Variants in PRKD1 observed in about 807,000 individuals in gnomAD.
PRKD1 encodes serine/threonine-protein kinase D1.
In PRKD1, 63 loss-of-function variants were observed where a neutral mutation model predicts 95.9. The observed-to-expected ratio is 0.66, with a 90% CI of 0.54 to 0.81. The LOEUF (loss-of-function observed/expected upper bound fraction) is 0.81. Ranked by LOEUF, PRKD1 falls within the 30% of genes least tolerant of loss-of-function variation. PRKD1 has a pLI of 0.00. For synonymous variants in PRKD1, 425 were observed against 423.1 expected, an observed-to-expected ratio of 1.00 and a Z score of -0.05; for missense variants, 1,048 against 1,165.3, an observed-to-expected ratio of 0.90 and a Z score of 1.47.
chr14:29,638,374 G>T, intron 6 of PRKD1, 115 bp downstream of exon 6: 2 of 1,034,204 alleles, frequency 1.9e-6, no homozygotes, highest in Non-Finnish European at 2.9e-6. Flanking sequence ...ATTTACTTTA[G>T]ACTGTGTCTG....
In PRKD1 at chr14:29,577,343, C is replaced by T. The variant is rs1483307400; in HGVS notation, c.2634G>A (p.Leu878=). Residue 878 remains leucine (L), a synonymous_variant, in exon 18 of 18, where the codon CTG becomes CTA. Transcript: ENST00000331968. The part of the protein sequence containing the change: ...RWEKYAGEQG[L]QYPTHLINPS... Reference sequence around the variant, plus strand: ...GATTGATCAGGTGTGTGGGGTACTGCAGCCCCTGCTCGCCTGCATACTTCT... The same window carrying T: ...GATTGATCAGGTGTGTGGGGTACTGTAGCCCCTGCTCGCCTGCATACTTCT... 2 of 1,613,812 alleles carry T rather than the reference C, an allele frequency of 1.2e-6. No homozygotes were observed. The highest frequency in any genetic ancestry group is 2.2e-5 in the South Asian group (2 of 91,082).
chr14:29,915,246 G>A (rs1341026028), intron 1 of PRKD1, among the ~76,000 whole-genome samples: 1 of 152,144 alleles, frequency 6.6e-6, no homozygotes, highest in Non-Finnish European at 1.5e-5. Context: ...GTTACACAAG[G>A]TAATTAACTT....
At chr14:29,680,403 T>C (rs1434632524) in intron 2 of PRKD1, among the ~76,000 whole-genome samples, 1 of 152,064 alleles carries the variant, frequency 6.6e-6, no homozygotes, top group Non-Finnish European at 1.5e-5. Context: ...AGACACACTT[T>C]AGAGACTAGT....
At chr14:29,655,859 G>GGTAA (rs1475645599) in intron 4 of PRKD1, among the ~76,000 whole-genome samples, 4 of 151,230 alleles carry the variant, frequency 2.6e-5, no homozygotes, top group Non-Finnish European at 4.4e-5. Flanking sequence ...TTATTGAAAA[G>GGTAA]GTAAGTTCAT....
At chr14:29,742,480 T>C (rs1887022717) in intron 1 of PRKD1, among the ~76,000 whole-genome samples, 2 of 152,332 alleles carry the variant, frequency 1.3e-5, no homozygotes, top group South Asian at 2.1e-4. Flanking sequence ...GAGAAATGTA[T>C]CATACTTCCA....
chr14:29,899,371 G>C (rs553285210), intron 1 of PRKD1, among the ~76,000 whole-genome samples: 35 of 152,212 alleles, frequency 2.3e-4, no homozygotes, highest in Non-Finnish European at 4.7e-4. Flanking sequence ...ATTTGGCCAG[G>C]CACGGTGGCT....
chr14:29,872,532 G>C (rs946831206), intron 1 of PRKD1, among the ~76,000 whole-genome samples: 1 of 151,844 alleles, frequency 6.6e-6, no homozygotes, highest in Non-Finnish European at 1.5e-5. Context: ...TGCACCTGTA[G>C]TCCCAGCTAC....
intron 1 of PRKD1, among the ~76,000 whole-genome samples, chr14:29,811,494 C>T (rs1208651623): frequency 6.6e-6 from 1 of 152,200 alleles, no homozygotes. Flanking sequence ...CATTAAGCAT[C>T]TAGTTCAGGA....
At chr14:29,925,200 G>A (rs1346092945) in intron 1 of PRKD1, among the ~76,000 whole-genome samples, 1 of 151,992 alleles carries the variant, frequency 6.6e-6, no homozygotes, top group African/African-American at 2.4e-5. Flanking sequence ...AATCAGGGCT[G>A]ATGATTTTCC....
At chr14:29,919,271 A>G (rs532637902) in intron 1 of PRKD1, among the ~76,000 whole-genome samples, 1 of 152,346 alleles carries the variant, frequency 6.6e-6, no homozygotes, top group African/African-American at 2.4e-5. Flanking sequence ...AACCTTTCAT[A>G]ACTTTGGAAG....
chr14:29,862,271 C>T (rs543347571), intron 1 of PRKD1, among the ~76,000 whole-genome samples: 10 of 152,222 alleles, frequency 6.6e-5, no homozygotes, highest in African/African-American at 1.7e-4. Context: ...CATCTGTTGA[C>T]GGACACTTAG....
At chr14:29,871,514 C>A (rs755475567) in intron 1 of PRKD1, among the ~76,000 whole-genome samples, 2 of 152,072 alleles carry the variant, frequency 1.3e-5, no homozygotes, top group Non-Finnish European at 2.9e-5. Flanking sequence ...TAATATGTGA[C>A]CTCGAACAAG....
chr14:29,760,117 T>C (rs1430259702), intron 1 of PRKD1, among the ~76,000 whole-genome samples: 1 of 152,158 alleles, frequency 6.6e-6, no homozygotes, highest in Non-Finnish European at 1.5e-5. Context: ...TTTCAATAGC[T>C]CTTTTATTTT....
intron 4 of PRKD1, among the ~76,000 whole-genome samples, chr14:29,652,052 T>C (rs1348523152): frequency 6.6e-6 from 1 of 152,238 alleles, no homozygotes; most frequent in Non-Finnish European, 1.5e-5. Flanking sequence ...GGCCCTTTTT[T>C]TCATATTTCT....
intron 1 of PRKD1, among the ~76,000 whole-genome samples, chr14:29,726,227 T>A (rs1368503740): frequency 6.6e-6 from 1 of 152,156 alleles, no homozygotes; most frequent in Non-Finnish European, 1.5e-5. Context: ...AATCCACCTC[T>A]CCCTTCTGCT....
At chr14:29,583,376 TA>T (rs1456767635) in intron 16 of PRKD1, among the ~76,000 whole-genome samples, 3 of 152,070 alleles carry the variant, frequency 2.0e-5, no homozygotes, top group African/African-American at 7.2e-5. Flanking sequence ...CTTCGCCTGC[TA>T]TTTTCTCAGT....
chr14:29,740,253 G>A (rs1202172710), intron 1 of PRKD1, among the ~76,000 whole-genome samples: 3 of 151,998 alleles, frequency 2.0e-5, no homozygotes, highest in African/African-American at 7.2e-5. Context: ...GCACAATGAA[G>A]ATTTTTATAT....
At chr14:29,873,928 A>T (rs1594593741) in intron 1 of PRKD1, among the ~76,000 whole-genome samples, 1 of 152,172 alleles carries the variant, frequency 6.6e-6, no homozygotes, top group Non-Finnish European at 1.5e-5. Flanking sequence ...TGTGTGTTTA[A>T]AAGACTATAA....
intron 1 of PRKD1, among the ~76,000 whole-genome samples, chr14:29,874,017 C>T (rs1466557548): frequency 6.6e-6 from 1 of 152,108 alleles, no homozygotes; most frequent in African/African-American, 2.4e-5. Flanking sequence ...AATTTATTTG[C>T]TAGAGTTCTA....
Sources: allele counts gnomAD v4.1 joint callset (sites outside exome capture counted in the v4.1 genomes callset), GRCh38; gene constraint gnomAD v4.1.1; transcripts MANE v1.5; gene names NCBI Gene and HGNC (gene_info 2026-07-23, HGNC 2026-07-21).